Variants in SORCS3 observed in about 807,000 individuals in gnomAD.
SORCS3 encodes the protein VPS10 domain-containing receptor SorCS3.
A neutral mutation model predicts 146.3 loss-of-function variants in SORCS3; 57 were observed. The observed-to-expected ratio is 0.39, with a 90% CI of 0.31 to 0.49. The LOEUF is 0.49. Ranked by LOEUF, SORCS3 falls within the 20% of genes least tolerant of loss-of-function variation. The probability of loss-of-function intolerance (pLI) is 0.92; values close to 1 mark genes in which losing one functional copy is unlikely to be tolerated. For synonymous variants in SORCS3, 653 were observed against 618.5 expected (o/e 1.06, Z -0.83); for missense variants, 1,341 against 1,575.5 (o/e 0.85, Z 2.52).
rs149860157 is a variant in SORCS3, at chr10:104,893,504, A to G, written c.696-22329A>G. ...CTCCAGTTTGATTTCACTTGTAGAG[A>G]GATTTTCTATCAGTGGCATGTACTG... On this transcript the variant is annotated intron_variant, in intron 2 of 26. Coordinates refer to ENST00000369701, the MANE Select transcript of SORCS3 (RefSeq NM_014978.3). Among the ~76,000 whole-genome samples, 12 of 152,288 alleles carry G rather than the reference A, an allele frequency of 7.9e-5. 1 individual carries two copies. The highest frequency in any genetic ancestry group is 2.9e-4 in the African/African-American group (12 of 41,550).
intron 5 of SORCS3, among the ~76,000 whole-genome samples, chr10:105,069,636 C>A (rs2055544804): frequency 6.6e-6 from 1 of 152,222 alleles, no homozygotes; most frequent in Admixed American, 6.5e-5. Flanking sequence ...CACTTTGCAT[C>A]TTTCTGAAGC....
At chr10:105,121,802 C>A (rs1055249624) in intron 7 of SORCS3, among the ~76,000 whole-genome samples, 2 of 152,186 alleles carry the variant, frequency 1.3e-5, no homozygotes, top group Admixed American at 1.3e-4. Flanking sequence ...ACTCAAACAC[C>A]CATCCCTGGG....
At chr10:105,108,574 T>C (rs969726382) in intron 7 of SORCS3, among the ~76,000 whole-genome samples, 2 of 152,058 alleles carry the variant, frequency 1.3e-5, no homozygotes, top group East Asian at 1.9e-4. Flanking sequence ...GAGACCTAGA[T>C]AGACAATTTA....
intron 1 of SORCS3, among the ~76,000 whole-genome samples, chr10:104,806,315 C>T (rs1589506070): frequency 6.6e-6 from 1 of 152,266 alleles, no homozygotes; most frequent in East Asian, 1.9e-4. Flanking sequence ...TTACAGGTGA[C>T]ACAATAGGAT....
intron 13 of SORCS3, among the ~76,000 whole-genome samples, chr10:105,176,852 TCAAACAAA>T (rs140792886): frequency 6.6e-6 from 1 of 151,304 alleles, no homozygotes; most frequent in African/African-American, 2.4e-5. Context: ...AGACTCCGTC[TCAAACAAA>T]CAAACAAACA....
At chr10:104,759,166 G>T (rs1459987209) in intron 1 of SORCS3, among the ~76,000 whole-genome samples, 1 of 152,138 alleles carries the variant, frequency 6.6e-6, no homozygotes, top group Non-Finnish European at 1.5e-5. Context: ...CAGAGATCAG[G>T]GTGATGCAGC....
At chr10:104,999,297 C>T (rs924317763) in intron 4 of SORCS3, among the ~76,000 whole-genome samples, 2 of 152,030 alleles carry the variant, frequency 1.3e-5, no homozygotes, top group Non-Finnish European at 2.9e-5. Flanking sequence ...ACCCTGAAAA[C>T]GTTTGTATAT....
chr10:104,799,349 G>A (rs1340036595), intron 1 of SORCS3, among the ~76,000 whole-genome samples: 2 of 152,094 alleles, frequency 1.3e-5, no homozygotes, highest in East Asian at 3.9e-4. Flanking sequence ...ATACACCATG[G>A]AATACTATGC....
At chr10:105,117,751 A>C (rs184773057) in intron 7 of SORCS3, among the ~76,000 whole-genome samples, 2 of 152,170 alleles carry the variant, frequency 1.3e-5, no homozygotes, top group Non-Finnish European at 2.9e-5. Context: ...CTTGAGACTG[A>C]CTTCTGCCTC....
intron 1 of SORCS3, chr10:104,822,173 G>T: frequency 4.0e-6 from 2 of 494,448 alleles, no homozygotes; most frequent in Non-Finnish European, 8.0e-6. Flanking sequence ...TGACAGTCAG[G>T]TCTCAGAACT....
chr10:104,922,455 C>T lies in SORCS3; in HGVS notation c.795+6523C>T, dbSNP rs190149471. On this transcript the variant is annotated intron_variant, in intron 3 of 26. Transcript: ENST00000369701. Reference sequence around the variant, plus strand: ...GCTACATAGACCTAGGTCTCAAATTCGGATGCATGCAGGGGCCAGAAGATA... The same window carrying T: ...GCTACATAGACCTAGGTCTCAAATTTGGATGCATGCAGGGGCCAGAAGATA... 3.8e-3 allele frequency among the ~76,000 whole-genome samples: 576 copies of T among 152,212 alleles called. 4 individuals carry two copies. The highest frequency in any genetic ancestry group is 0.01 in the Middle Eastern group (3 of 294).
intron 14 of SORCS3, among the ~76,000 whole-genome samples, chr10:105,188,400 A>G (rs1391465467): frequency 6.6e-6 from 1 of 152,164 alleles, no homozygotes; most frequent in Non-Finnish European, 1.5e-5. Context: ...TATCCTGATG[A>G]TGATGTGGGT....
intron 6 of SORCS3, among the ~76,000 whole-genome samples, chr10:105,104,477 C>G (rs1216546742): frequency 1.3e-5 from 2 of 152,064 alleles, no homozygotes; most frequent in Admixed American, 6.6e-5. Flanking sequence ...ACAGCTGGTA[C>G]CATGCATTTT....
chr10:104,836,891 GAAAA>G (rs202157913), intron 1 of SORCS3, among the ~76,000 whole-genome samples: 1 of 151,390 alleles, frequency 6.6e-6, no homozygotes, highest in African/African-American at 2.4e-5. Flanking sequence ...AATTTAAAAA[GAAAA>G]AAAAGAAATA....
chr10:105,027,928 G>T (rs1477950406), intron 4 of SORCS3, among the ~76,000 whole-genome samples: 1 of 152,096 alleles, frequency 6.6e-6, no homozygotes, highest in South Asian at 2.1e-4. Context: ...TATTTAAAAC[G>T]TTATCTTTAA....
At chr10:105,080,688 G>A (rs980617741) in intron 5 of SORCS3, among the ~76,000 whole-genome samples, 4 of 151,986 alleles carry the variant, frequency 2.6e-5, no homozygotes, top group Non-Finnish European at 4.4e-5. Flanking sequence ...TTACATTTAA[G>A]TCTTTAATCC....
chr10:105,228,182 T>G (rs1186716003), intron 20 of SORCS3, among the ~76,000 whole-genome samples: 1 of 152,040 alleles, frequency 6.6e-6, no homozygotes, highest in Non-Finnish European at 1.5e-5. Flanking sequence ...TCCCTTTTCT[T>G]TCTCTCTTAT....
intron 8 of SORCS3, among the ~76,000 whole-genome samples, chr10:105,143,383 A>G (rs2056108653): frequency 6.6e-6 from 1 of 152,016 alleles, no homozygotes; most frequent in Admixed American, 6.6e-5. Context: ...TGACTCCTAT[A>G]TCTACAACCC....
In SORCS3 at chr10:104,796,555, T is replaced by C. The variant is rs77691449; in HGVS notation, c.628-46237T>C. Among the ~76,000 whole-genome samples the C allele has an allele frequency of 6.0e-3, 907 of 152,320 alleles. 9 individuals carry two copies. The highest frequency in any genetic ancestry group is 0.021 in the African/African-American group (883 of 41,560). On this transcript the variant is annotated intron_variant, in intron 1 of 26. Coordinates refer to ENST00000369701, the MANE Select transcript of SORCS3 (RefSeq NM_014978.3). ...CCCTGCTTCACAATTATTTTTATGA[T>C]TACTCTGCATTTATGGCAGGTGATA... is the stretch of plus-strand genomic sequence containing the variant.
Sources: gnomAD v4.1 joint callset for allele counts (sites outside exome capture counted in the v4.1 genomes callset) on GRCh38, gnomAD v4.1.1 for gene constraint, MANE v1.5 for transcripts, NCBI Gene and HGNC (gene_info 2026-07-23, HGNC 2026-07-21) for gene names.